BTBD16: variants seen among roughly 807,000 people sequenced by gnomAD.
BTBD16 encodes the protein BTB domain containing 16, also known as BTB/POZ domain-containing protein 16.
In BTBD16, 66 loss-of-function variants were observed where a neutral mutation model predicts 67.4. The observed-to-expected ratio is 0.98, with a 90% CI of 0.80 to 1.20. BTBD16 has a LOEUF of 1.20. BTBD16 is among the 50% of genes most tolerant of loss of function. BTBD16 has a pLI of 0.00. For missense variants in BTBD16, 634 were observed against 616.0 expected, an observed-to-expected ratio of 1.03 and a Z score of -0.31; for synonymous variants, 242 against 236.4, an observed-to-expected ratio of 1.02 and a Z score of -0.22.
intron 5 of BTBD16, 53 bp from the exon 6 acceptor site, chr10:122,289,856 G>A: frequency 7.0e-7 from 1 of 1,421,396 alleles, no homozygotes; most frequent in Non-Finnish European, 9.9e-7. Flanking sequence ...CTCCCACTGT[G>A]TCTTCACCAC....
chr10:122,302,400 A>C (rs1285004782), intron 9 of BTBD16, among the ~76,000 whole-genome samples: 1 of 152,128 alleles, frequency 6.6e-6, no homozygotes, highest in African/African-American at 2.4e-5. Flanking sequence ...CTGGAAGCCA[A>C]GCTGCTCATG....
At chr10:122,309,711 T>A (rs555875603) in intron 10 of BTBD16, among the ~76,000 whole-genome samples, 86 of 151,606 alleles carry the variant, frequency 5.7e-4, no homozygotes, top group African/African-American at 1.9e-3. Flanking sequence ...TGGTCTCAAG[T>A]GATCCTCCCA....
At chr10:122,333,190 CTGAG>C (rs1374485345) in intron 13 of BTBD16, among the ~76,000 whole-genome samples, 1 of 152,182 alleles carries the variant, frequency 6.6e-6, no homozygotes, top group Non-Finnish European at 1.5e-5. Context: ...AGAGTCCCCT[CTGAG>C]TCATCCCTGG....
rs764787461 is a variant in BTBD16, at chr10:122,291,213, CTT to C, written c.590+21_590+22del. The C allele has an allele frequency of 1.2e-6, 2 of 1,604,418 alleles. No individual in the cohort carries two copies. The highest frequency in any genetic ancestry group is 1.7e-6 in the Non-Finnish European group (2 of 1,175,108). ...TTCAAAGGTAAGGAAACAAGGCTGA[CTT>C]TGGGCAGGGCCGGGCCTGGGGGAAA... On this transcript the variant is annotated intron_variant, in intron 7 of 15. Transcript: ENST00000260723.
chr10:122,316,215 C>T (rs1309330856), intron 10 of BTBD16, among the ~76,000 whole-genome samples: 1 of 152,036 alleles, frequency 6.6e-6, no homozygotes, highest in Non-Finnish European at 1.5e-5. Flanking sequence ...TGCAGTGAGC[C>T]GAGATTGTGC....
chr10:122,286,511 A>T (rs576753816), intron 5 of BTBD16, among the ~76,000 whole-genome samples: 1 of 152,178 alleles, frequency 6.6e-6, no homozygotes, highest in Admixed American at 6.5e-5. Flanking sequence ...GCAAGCTCTC[A>T]GTACATGCCA....
chr10:122,285,307 G>A (rs558164585), intron 4 of BTBD16, among the ~76,000 whole-genome samples: 3 of 152,152 alleles, frequency 2.0e-5, no homozygotes, highest in Non-Finnish European at 4.4e-5. Context: ...CCTTGGTTTC[G>A]CCATCTGCCC....
chr10:122,327,722 C>T (rs2096447718), intron 10 of BTBD16: 1 of 876,866 alleles, frequency 1.1e-6, no homozygotes, highest in Non-Finnish European at 1.4e-6. Flanking sequence ...TCCTCTGGGA[C>T]AGGATGGCTG....
intron 13 of BTBD16, among the ~76,000 whole-genome samples, chr10:122,334,673 ATTT>A (rs66947410): frequency 1.2e-4 from 14 of 115,206 alleles, no homozygotes; most frequent in Non-Finnish European, 2.1e-4. Context: ...CGCCTGGCTA[ATTT>A]TTTTTTTTTT....
At chr10:122,316,363 T>C (rs1184531381) in intron 10 of BTBD16, among the ~76,000 whole-genome samples, 1 of 152,206 alleles carries the variant, frequency 6.6e-6, no homozygotes, top group Non-Finnish European at 1.5e-5. Flanking sequence ...TCTGCTTCTA[T>C]CACTCTAGAT....
At chr10:122,295,781 A>G (rs1170432879) in intron 7 of BTBD16, among the ~76,000 whole-genome samples, 1 of 151,724 alleles carries the variant, frequency 6.6e-6, no homozygotes, top group Non-Finnish European at 1.5e-5. Context: ...ACTCAAGACA[A>G]CTCCTTCTAA....
intron 12 of BTBD16, 105 bp from the exon 13 acceptor site, chr10:122,332,331 A>G: frequency 9.9e-7 from 1 of 1,010,248 alleles, no homozygotes; most frequent in Non-Finnish European, 1.4e-6. Flanking sequence ...CTCTTTTTCA[A>G]ACCTGGTGAG....
chr10:122,331,216 A>G lies in BTBD16; in HGVS notation c.1044A>G (p.Pro348=), dbSNP rs1436277314. The change falls in exon 12 of 16, where the codon CCA becomes CCG. Residue 348 remains proline (P), a synonymous_variant. Transcript: ENST00000260723. The part of the protein sequence containing the change: ...LEVLRHLNFF[P]ESWLDQVTVN... ...TGCTGCGGCACCTTAACTTCTTCCC[A>G]GAGTCATGGCTCGACCAGGTTACAG... 1.9e-6 allele frequency: 3 copies of G among 1,613,576 alleles called. No individual in the cohort carries two copies. The highest frequency in any genetic ancestry group is 2.7e-5 in the African/African-American group (2 of 74,878).
intron 10 of BTBD16, among the ~76,000 whole-genome samples, chr10:122,313,275 T>G (rs1289019525): frequency 2.6e-5 from 4 of 151,410 alleles, no homozygotes; most frequent in Admixed American, 1.3e-4. Flanking sequence ...TTTTTTGTTT[T>G]TTTTTTTGAG....
At chr10:122,317,873 G>T (rs1486562292) in intron 10 of BTBD16, among the ~76,000 whole-genome samples, 1 of 151,986 alleles carries the variant, frequency 6.6e-6, no homozygotes, top group East Asian at 1.9e-4. Flanking sequence ...CCTGCTTGAG[G>T]CTGTGAACTT....
At chr10:122,304,765 A>G (rs546286148) in intron 9 of BTBD16, among the ~76,000 whole-genome samples, 15 of 152,064 alleles carry the variant, frequency 9.9e-5, no homozygotes, top group East Asian at 5.8e-4. Context: ...ATGTTAGCCA[A>G]GATGGTCTTG....
chr10:122,294,726 T>G (rs1172671328), intron 7 of BTBD16, among the ~76,000 whole-genome samples: 1 of 152,242 alleles, frequency 6.6e-6, no homozygotes, highest in East Asian at 1.9e-4. Flanking sequence ...CCCACTTCCC[T>G]GAGCCCAGAG....
intron 4 of BTBD16, among the ~76,000 whole-genome samples, chr10:122,284,532 T>G (rs2096359588): frequency 6.6e-6 from 1 of 152,112 alleles, no homozygotes; most frequent in Non-Finnish European, 1.5e-5. Flanking sequence ...CTCTTTGGGC[T>G]CTAACCAGTC....
At chr10:122,286,441 C>T (rs2096363964) in intron 5 of BTBD16, 193 bp downstream of exon 5, 6 of 482,826 alleles carry the variant, frequency 1.2e-5, no homozygotes, top group South Asian at 8.8e-5. Context: ...TCTTAGGATG[C>T]GGCTTTGAAG....
Sources: gnomAD v4.1 joint callset for allele counts (sites outside exome capture counted in the v4.1 genomes callset) on GRCh38, gnomAD v4.1.1 for gene constraint, MANE v1.5 for transcripts, NCBI Gene and HGNC (gene_info 2026-07-23, HGNC 2026-07-21) for gene names.